Variants in TBX1 observed in about 807,000 individuals in gnomAD.
TBX1 encodes the protein T-box transcription factor 1.
TBX1 carries 16 observed loss-of-function variants against 40.8 expected under a neutral mutation model. The observed-to-expected ratio is 0.39, with a 90% CI of 0.27 to 0.60. TBX1 has a LOEUF of 0.60. Among genes scored for constraint, TBX1 ranks in the 20% least tolerant of loss-of-function variants. The pLI, the probability that TBX1 is intolerant of heterozygous loss-of-function variation, is 0.51. For synonymous variants in TBX1, 403 were observed against 336.8 expected, an observed-to-expected ratio of 1.20 and a Z score of -2.15; for missense variants, 755 against 728.5, an observed-to-expected ratio of 1.04 and a Z score of -0.42.
chr22:19,761,356 G>A (rs1161473439), intron 1 of TBX1, 76 bp downstream of exon 1: 1 of 1,406,386 alleles, frequency 7.1e-7, no homozygotes, highest in East Asian at 3.0e-5. Context: ...CCTGATCCGC[G>A]CGAGCGGGGC....
chr22:19,767,330 T>C lies in TBX1; in HGVS notation c.*463T>C. On this transcript the variant is annotated 3_prime_UTR_variant, in exon 7 of 7. Coordinates refer to ENST00000649276, the MANE Select transcript of TBX1 (RefSeq NM_001379200.1). ...ACTTGATAAACGGTTTCGCCTCTTT[T>C]GGAAGCCGCCTGCGTGTCCATTTAT... 1 of 988,046 alleles carries C rather than the reference T, an allele frequency of 1.0e-6. No homozygotes were observed. Among genetic ancestry groups the C allele is most frequent in the South Asian group, 4.7e-5 (1 of 21,348 alleles). The allele number at this position is 988,046 out of a possible 1,614,324, so 61.2% of individuals were successfully genotyped here. A position where few individuals can be genotyped will look rare whatever the true frequency, so the allele number is the denominator to read the frequency against.
Position 19,764,173 on chromosome 22 carries a change from C to T in TBX1, c.558C>T (p.Ser186=), listed in dbSNP as rs200036203. The change falls in exon 3 of 7, where the codon TCC becomes TCT. Residue 186 remains serine (S), a synonymous_variant. Coordinates refer to ENST00000649276, the MANE Select transcript of TBX1 (RefSeq NM_001379200.1). ...DKRYRYAFHS[S]SWLVAGKADP... Reference sequence around the variant, plus strand: ...GCTCCAGGTACGCCTTCCACAGCTCCTCCTGGCTGGTGGCGGGGAAGGCCG... The same window carrying T: ...GCTCCAGGTACGCCTTCCACAGCTCTTCCTGGCTGGTGGCGGGGAAGGCCG... The T allele has an allele frequency of 4.3e-6, 7 of 1,612,966 alleles. No homozygotes were observed. The East Asian group carries it at 1.6e-4, about 36-fold the overall frequency.
chr22:19,779,302 T>C (rs1937113656), exon 9 of TBX1: 2 of 1,614,094 alleles, frequency 1.2e-6, no homozygotes, highest in South Asian at 1.1e-5. Flanking sequence ...TTCTGAGGGA[T>C]GCAGGTGGCT....
Position 19,767,197 on chromosome 22 carries a change from C to T in TBX1, c.*330C>T, listed in dbSNP as rs567642855. On this transcript the variant is annotated 3_prime_UTR_variant, in exon 7 of 7. Coordinates refer to ENST00000649276, the MANE Select transcript of TBX1 (RefSeq NM_001379200.1). ...TATTGTTCTCCCCGAGACCGCGTCG[C>T]CCGCGGCCCGGCCGGCAGTTGCAGT... 1.5e-5 allele frequency: 17 copies of T among 1,107,332 alleles called. No individual in the cohort carries two copies. The East Asian group carries it at 2.6e-4, about 17-fold the overall frequency. The allele number at this position is 1,107,332 out of a possible 1,614,324, so 68.6% of individuals were successfully genotyped here. A position where few individuals can be genotyped will look rare whatever the true frequency, so the allele number is the denominator to read the frequency against.
chr22:19,772,503 G>C (rs1179962094), intron 8 of TBX1, among the ~76,000 whole-genome samples: 1 of 152,126 alleles, frequency 6.6e-6, no homozygotes, highest in Non-Finnish European at 1.5e-5. Flanking sequence ...GTCTTGCTAT[G>C]TTGCCCAGGC....
At chr22:19,782,578 T>C (rs1937152254), downstream of TBX1, among the ~76,000 whole-genome samples, 1 of 152,150 alleles carries the variant, frequency 6.6e-6, no homozygotes, top group Admixed American at 6.5e-5. Context: ...TTTGGAGATA[T>C]TGCCTGGTGT....
intron 2 of TBX1, 73 bp from the exon 3 acceptor site, chr22:19,764,082 G>T (rs1936754068): frequency 1.9e-6 from 3 of 1,566,956 alleles, no homozygotes; most frequent in Admixed American, 1.7e-5. Flanking sequence ...CACTTTTAGG[G>T]TTCGCCCAGC....
rs1160238433 is a variant in TBX1, at chr22:19,766,395, C to G, written c.1043C>G (p.Ala348Gly). 7.5e-7 allele frequency: 1 copy of G among 1,341,092 alleles called. No homozygotes were observed. Among genetic ancestry groups the G allele is most frequent in the Admixed American group, 3.5e-5 (1 of 28,610 alleles). The allele number at this position is 1,341,092 out of a possible 1,614,324, so 83.1% of individuals were successfully genotyped here. A position where few individuals can be genotyped will look rare whatever the true frequency, so the allele number is the denominator to read the frequency against. The stretch of plus-strand genomic sequence containing the variant: ...TCCTCGGCCCTCTCCGCAGACGCGG[C>G]TGAGGCCCGGCGAGAATTCCAGCGC... ...TQPSGTEKDA[A>G]EARREFQRDA... Residue 348 changes from alanine to glycine, a missense_variant, in exon 7 of 7, where the codon GCT (alanine) becomes GGT (glycine). By Grantham distance (60) the Ala-to-Gly change is moderately conservative (BLOSUM62 0). Coordinates refer to ENST00000649276, the MANE Select transcript of TBX1 (RefSeq NM_001379200.1).
downstream of TBX1, among the ~76,000 whole-genome samples, chr22:19,771,104 G>A (rs80018121): frequency 9.9e-5 from 15 of 152,234 alleles, no homozygotes; most frequent in East Asian, 1.5e-3. Context: ...CGGTGTGCTC[G>A]GGCAGGGTCC....
At chr22:19,757,682 C>T (rs975049306), upstream of TBX1, among the ~76,000 whole-genome samples, 1 of 152,214 alleles carries the variant, frequency 6.6e-6, no homozygotes, top group African/African-American at 2.4e-5. Context: ...CCCGCCTCCA[C>T]GGGACTGTCC....
chr22:19,761,038 C>T lies in TBX1; in HGVS notation c.195C>T (p.Ala65=), dbSNP rs1936641158. ...CGCGCTACGACCCGTGCGCCGCCGC[C>T]GCCCCCGGCGCCCCGGGCCCGCCGC... ...PPPRYDPCAA[A]APGAPGPPPP... The change falls in exon 1 of 7, where the codon GCC becomes GCT. Residue 65 remains alanine, a synonymous_variant. Transcript: ENST00000649276. 1.1e-6 allele frequency: 1 copy of T among 889,080 alleles called. No homozygotes were observed. Among genetic ancestry groups the T allele is most frequent in the Non-Finnish European group, 1.3e-6 (1 of 745,516 alleles). The allele number at this position is 889,080 out of a possible 1,614,324, so 55.1% of individuals were successfully genotyped here. A position where few individuals can be genotyped will look rare whatever the true frequency, so the allele number is the denominator to read the frequency against.
Position 19,765,781 on chromosome 22 carries a change from C to T in TBX1, c.891C>T (p.Ser297=). 6.2e-7 allele frequency: 1 copy of T among 1,611,990 alleles called. No homozygotes were observed. Among genetic ancestry groups the T allele is most frequent in the South Asian group, 1.1e-5 (1 of 90,812 alleles). ...AGATCACGCAGCTCAAGATTGCCAGCAATCCCTTCGCGAAAGGCTTCCGGG... is the reference window on the plus strand; with the variant it reads ...AGATCACGCAGCTCAAGATTGCCAGTAATCCCTTCGCGAAAGGCTTCCGGG... ...NHRITQLKIA[S]NPFAKGFRDC... is the part of the protein sequence containing the mutation. Residue 297 remains serine (S), a synonymous_variant, in exon 5 of 7, where the codon AGC becomes AGT. Coordinates refer to ENST00000649276, the MANE Select transcript of TBX1 (RefSeq NM_001379200.1).
upstream of TBX1, among the ~76,000 whole-genome samples, chr22:19,759,251 G>T (rs1936560548): frequency 6.6e-6 from 1 of 152,236 alleles, no homozygotes; most frequent in Non-Finnish European, 1.5e-5. Context: ...GAGGAAGGGG[G>T]CAGGGAGCTT....
Position 19,766,573 on chromosome 22 carries a change from C to T in TBX1, c.1221C>T (p.Pro407=), listed in dbSNP as rs1305509653. The T allele has an allele frequency of 4.8e-6, 7 of 1,455,410 alleles. No individual in the cohort carries two copies. Among genetic ancestry groups the T allele is most frequent in the Middle Eastern group, 2.3e-4 (1 of 4,286 alleles). The allele number at this position is 1,455,410 out of a possible 1,614,324, so 90.2% of individuals were successfully genotyped here. The part of the protein sequence containing the change: ...APGGRPSPPN[P]ELRLEAPGAS... ...GAGGCCGGCCCAGTCCCCCGAACCC[C>T]GAGCTGCGCCTGGAGGCGCCCGGCG... Residue 407 remains proline (P), a synonymous_variant, in exon 7 of 7, where the codon CCC becomes CCT. Transcript: ENST00000649276.
upstream of TBX1, chr22:19,759,524 G>GC (rs1936570858): frequency 6.5e-7 from 1 of 1,539,794 alleles, no homozygotes; most frequent in African/African-American, 1.4e-5. Flanking sequence ...GTCTCCCCGA[G>GC]CCAGTGCGTT....
downstream of TBX1, among the ~76,000 whole-genome samples, chr22:19,769,056 G>T (rs1323181431): frequency 6.7e-6 from 1 of 148,970 alleles, no homozygotes; most frequent in African/African-American, 2.5e-5. Flanking sequence ...CGCCTCCTGG[G>T]TTCAAGTGAT....
At chr22:19,780,483 ATGTC>A (rs1937129475), downstream of TBX1, among the ~76,000 whole-genome samples, 1 of 152,118 alleles carries the variant, frequency 6.6e-6, no homozygotes, top group African/African-American at 2.4e-5. Flanking sequence ...ATTCTGTTGT[ATGTC>A]TGTACCACGT....
chr22:19,759,700 C>T (rs780237885), upstream of TBX1: 10 of 1,611,204 alleles, frequency 6.2e-6, no homozygotes, highest in South Asian at 5.5e-5. Context: ...GCCGTGTCTA[C>T]ACTGGCCCGC....
chr22:19,776,223 C>A lies in TBX1; in HGVS notation c.1010-2997C>A, dbSNP rs41297814. Among the ~76,000 whole-genome samples the A allele has an allele frequency of 9.2e-3, 1,394 of 152,252 alleles. 23 individuals carry two copies. The highest frequency in any genetic ancestry group is 0.032 in the African/African-American group (1,332 of 41,542). ...TCGTGGCTCCGTGTCTGCCCGTGGT[C>A]TCCCTCTCTCTCAGGGGTGGTTTCT... On this transcript the variant is annotated intron_variant, in intron 8 of 8. Transcript: ENST00000329705.
Sources: gnomAD v4.1 joint callset for allele counts (sites outside exome capture counted in the v4.1 genomes callset) on GRCh38, gnomAD v4.1.1 for gene constraint, MANE v1.5 for transcripts, NCBI Gene and HGNC (gene_info 2026-07-23, HGNC 2026-07-21) for gene names.